ANKRD18B: variants seen among roughly 807,000 people sequenced by gnomAD.
ANKRD18B encodes ankyrin repeat domain-containing protein 18B.
In ANKRD18B, 75 loss-of-function variants were observed where a neutral mutation model predicts 111.8. The observed-to-expected ratio is 0.67, with a 90% CI of 0.56 to 0.81. The LOEUF (loss-of-function observed/expected upper bound fraction) is 0.81, where lower values mean the gene tolerates loss of function less well. Ranked by LOEUF, ANKRD18B falls within the 40% of genes least tolerant of loss-of-function variation. The pLI, the probability that ANKRD18B is intolerant of heterozygous loss-of-function variation, is 0.00. For missense variants in ANKRD18B, 1,038 were observed against 1,225.5 expected, an observed-to-expected ratio of 0.85 and a Z score of 2.28; for synonymous variants, 356 against 417.3, an observed-to-expected ratio of 0.85 and a Z score of 1.79.
At chr9:33,549,246 G>A (rs1013409669) in intron 11 of ANKRD18B, among the ~76,000 whole-genome samples, 4 of 152,226 alleles carry the variant, frequency 2.6e-5, no homozygotes, top group East Asian at 3.9e-4. Context: ...ATATTTCAAC[G>A]AAGCTGTTTT....
intron 9 of ANKRD18B, among the ~76,000 whole-genome samples, chr9:33,542,601 C>T (rs141078767): frequency 6.6e-6 from 1 of 152,122 alleles, no homozygotes; most frequent in East Asian, 1.9e-4. Flanking sequence ...TCTTAAACTC[C>T]TGGCTTCAAG....
chr9:33,567,711 G>C (rs1828708403), intron 16 of ANKRD18B, among the ~76,000 whole-genome samples: 1 of 152,162 alleles, frequency 6.6e-6, no homozygotes, highest in South Asian at 2.1e-4. Context: ...AACCCAAAGT[G>C]TCAAGTGATA....
intron 17 of ANKRD18B, among the ~76,000 whole-genome samples, chr9:33,570,482 A>C (rs1587279749): frequency 6.6e-6 from 1 of 152,180 alleles, no homozygotes; most frequent in East Asian, 1.9e-4. Flanking sequence ...ACTTTACTAT[A>C]CATATTTTTT....
intron 12 of ANKRD18B, among the ~76,000 whole-genome samples, chr9:33,551,099 G>A (rs917589635): frequency 2.6e-5 from 4 of 152,246 alleles, no homozygotes; most frequent in African/African-American, 9.6e-5. Context: ...TGAAAAGTTA[G>A]GCATTGCCTT....
chr9:33,561,714 A>T (rs1563907829), intron 14 of ANKRD18B, among the ~76,000 whole-genome samples: 1 of 151,912 alleles, frequency 6.6e-6, no homozygotes, highest in African/African-American at 2.4e-5. Flanking sequence ...CAACTTTATA[A>T]TTTTTTTTGC....
chr9:33,562,338 T>A (rs1231551495), intron 14 of ANKRD18B, among the ~76,000 whole-genome samples: 1 of 151,530 alleles, frequency 6.6e-6, no homozygotes, highest in Non-Finnish European at 1.5e-5. Context: ...AGTTCACAGA[T>A]CCTCTTTCCA....
At chr9:33,562,168 G>A (rs528843925) in intron 14 of ANKRD18B, among the ~76,000 whole-genome samples, 10 of 151,934 alleles carry the variant, frequency 6.6e-5, no homozygotes, top group South Asian at 4.2e-4. Context: ...AATTTTGGTC[G>A]CAGTATCTGC....
chr9:33,555,973 C>A (rs1057196749), intron 13 of ANKRD18B, among the ~76,000 whole-genome samples, 153 bp downstream of exon 13: 6 of 152,054 alleles, frequency 3.9e-5, no homozygotes, highest in Admixed American at 1.3e-4. Flanking sequence ...AAACTCACAA[C>A]ACAACTTTAT....
At chr9:33,533,733 T>C in intron 4 of ANKRD18B, 188 bp downstream of exon 4, 1 of 1,220,394 alleles carries the variant, frequency 8.2e-7, no homozygotes, top group Non-Finnish European at 1.1e-6. Flanking sequence ...AAACAGTATA[T>C]AGTAGGATTC....
At chr9:33,525,520 T>A (rs1309786936) in intron 1 of ANKRD18B, among the ~76,000 whole-genome samples, 1 of 152,150 alleles carries the variant, frequency 6.6e-6, no homozygotes, top group Non-Finnish European at 1.5e-5. Context: ...GAGTTCCTGA[T>A]GGAATACAGA....
At chr9:33,535,759 A>C (rs1828188890) in intron 5 of ANKRD18B, among the ~76,000 whole-genome samples, 1 of 142,884 alleles carries the variant, frequency 7.0e-6, no homozygotes, top group Admixed American at 7.0e-5. Context: ...TTTTATATTT[A>C]ATATTTATAT....
In ANKRD18B at chr9:33,558,104, G is replaced by A. The variant is rs1238851651; in HGVS notation, c.2377G>A (p.Ala793Thr). The change falls in exon 14 of 19, where the codon GCA becomes ACA. Residue 793 changes from alanine to threonine, a missense_variant. By Grantham distance (58) the Ala-to-Thr change is moderately conservative. Coordinates refer to ENST00000684830, the MANE Select transcript of ANKRD18B (RefSeq NM_001393611.1). ...EMTINMLNAF[A>T]NEDFSCHGDL... The stretch of plus-strand genomic sequence containing the variant: ...GACAATAAATATGTTAAATGCATTT[G>A]CAAATGAAGACTTCAGTTGCCATGG... 2 of 1,611,204 alleles carry A rather than the reference G, an allele frequency of 1.2e-6. No homozygotes were observed. The highest frequency in any genetic ancestry group is 1.7e-6 in the Non-Finnish European group (2 of 1,178,656).
chr9:33,569,179 G>T, intron 17 of ANKRD18B: 1 of 241,340 alleles, frequency 4.1e-6, no homozygotes, highest in Non-Finnish European at 7.8e-6. Context: ...AAAAATGCAT[G>T]TTATTGCCTA....
chr9:33,566,816 C>T (rs548213385), intron 15 of ANKRD18B, among the ~76,000 whole-genome samples: 2 of 152,158 alleles, frequency 1.3e-5, no homozygotes, highest in South Asian at 4.1e-4. Flanking sequence ...TCTTAAGCTA[C>T]GTTGTTCATT....
At position 33,567,263 on chromosome 9, in the gene ANKRD18B, C is replaced by A; in HGVS notation, c.2903C>A (p.Ala968Asp). 1.3e-6 allele frequency: 2 copies of A among 1,548,090 alleles called. No homozygotes were observed. The highest frequency in any genetic ancestry group is 1.7e-4 in the Middle Eastern group (1 of 5,978). ...VTTELEEYKE[A>D]FAVALKANSS... ...ACTGAATTAGAAGAGTATAAGGAAG[C>A]CTTTGCAGTAGCATTGAAAGCTAAC... Residue 968 changes from alanine (A) to aspartate (D), a missense_variant, in exon 16 of 19, where the codon GCC becomes GAC. Around this residue, in one of 4 missense-constraint regions of ANKRD18B, gnomAD observed 524 missense variants for 677.9 expected, o/e 0.77. Coordinates refer to ENST00000684830, the MANE Select transcript of ANKRD18B (RefSeq NM_001393611.1).
rs1563903741 is a variant in ANKRD18B, at chr9:33,547,978, G to C, written c.1190G>C (p.Gly397Ala). The C allele has an allele frequency of 8.9e-6, 13 of 1,462,956 alleles. No homozygotes were observed. The highest frequency in any genetic ancestry group is 1.2e-5 in the Non-Finnish European group (13 of 1,107,428). The allele number at this position is 1,462,956 out of a possible 1,614,324, so 90.6% of individuals were successfully genotyped here. A position where few individuals can be genotyped will look rare whatever the true frequency, so the allele number is the denominator to read the frequency against. Residue 397 changes from glycine to alanine, a missense_variant, in exon 11 of 19, where the codon GGA becomes GCA. Gly to Ala is a moderately conservative substitution (Grantham distance 60, BLOSUM62 0). Transcript: ENST00000684830. ...GGAAAAAAGAAGGATGAGATGTTTG[G>C]AAATTTTATGTTGAAGAGAGACATT... Reference protein sequence around the residue: ...SYGKKKDEMFGNFMLKRDIAM... With the variant: ...SYGKKKDEMFANFMLKRDIAM...
At chr9:33,527,524 G>A (rs1828043411) in intron 1 of ANKRD18B, among the ~76,000 whole-genome samples, 2 of 152,272 alleles carry the variant, frequency 1.3e-5, no homozygotes, top group South Asian at 4.1e-4. Context: ...GTTTCACCAT[G>A]TTGGTCAGGC....
intron 5 of ANKRD18B, among the ~76,000 whole-genome samples, chr9:33,536,182 CAG>C (rs1414846156): frequency 8.0e-6 from 1 of 125,758 alleles, no homozygotes; most frequent in African/African-American, 2.9e-5. Flanking sequence ...AGCTCAGTAA[CAG>C]GGGACAATTA....
Position 33,530,963 on chromosome 9 carries a change from A to G in ANKRD18B, c.495+1790A>G, listed in dbSNP as rs534695341. Among the ~76,000 whole-genome samples the G allele has an allele frequency of 2.0e-4, 31 of 152,232 alleles. 1 individual carries two copies. In the South Asian group the frequency reaches 6.4e-3, roughly 32 times the overall value. On this transcript the variant is annotated intron_variant, in intron 3 of 18. Coordinates refer to ENST00000684830, the MANE Select transcript of ANKRD18B (RefSeq NM_001393611.1). ...CATTACAAGTGAGATTTTCTCAGTT[A>G]GATCAGTAGCAAATCTTGAACCTTT...
Sources: allele counts gnomAD v4.1 joint callset (sites outside exome capture counted in the v4.1 genomes callset), GRCh38; gene constraint gnomAD v4.1.1; regional missense constraint gnomAD v4.1.1; transcripts MANE v1.5; gene names NCBI Gene and HGNC (gene_info 2026-07-23, HGNC 2026-07-21).